Variants in CSF1 observed in about 807,000 individuals in gnomAD.
CSF1 encodes macrophage colony-stimulating factor 1.
In CSF1, 9 loss-of-function variants were observed where a neutral mutation model predicts 48.9. The observed-to-expected ratio is 0.18, with a 90% confidence interval of 0.11 to 0.32. The LOEUF is 0.32. Ranked by LOEUF, CSF1 falls within the 10% of genes least tolerant of loss-of-function variation. The probability of loss-of-function intolerance (pLI) is 1.00; values close to 1 mark genes in which losing one functional copy is unlikely to be tolerated. For missense variants in CSF1, 672 were observed against 697.9 expected (o/e 0.96, Z 0.42); for synonymous variants, 305 against 284.1 (o/e 1.07, Z -0.74).
chr1:109,917,705 A>G (rs1286204906), intron 4 of CSF1, among the ~76,000 whole-genome samples: 1 of 152,236 alleles, frequency 6.6e-6, no homozygotes, highest in Non-Finnish European at 1.5e-5. Flanking sequence ...CTTATAGTCA[A>G]GTGAGCTTGG....
At chr1:109,917,218 C>T in intron 3 of CSF1, 75 bp from the exon 4 acceptor site, 2 of 1,512,608 alleles carry the variant, frequency 1.3e-6, no homozygotes, top group Non-Finnish European at 1.8e-6. Context: ...CAAGCTGCAA[C>T]CCTCCATCTG....
At position 109,925,144 on chromosome 1, in the gene CSF1, C is replaced by T. The variant is rs1327315685; in HGVS notation, c.1623-3C>T. On this transcript the variant is annotated splice_region_variant and splice_polypyrimidine_tract_variant and intron_variant, in intron 7 of 8. Transcript: ENST00000329608. ...TAATACCAGCCCTGTGCTCTGCCTGCAGCCCCCTGACTCAGGATGACAGAC... is the reference window on the plus strand; with the variant it reads ...TAATACCAGCCCTGTGCTCTGCCTGTAGCCCCCTGACTCAGGATGACAGAC... 1.9e-6 allele frequency: 3 copies of T among 1,613,616 alleles called. No individual in the cohort carries two copies. The highest frequency in any genetic ancestry group is 1.1e-5 in the South Asian group (1 of 91,062).
rs373045211 is a variant in CSF1, at chr1:109,917,495, G to C, written c.396+32G>C. ...AGCCCTGAGGCCTGGAGCACTGAGTGAGGGCAGAGGGTGGCTGTGGAGGCG... is the reference window on the plus strand; with the variant it reads ...AGCCCTGAGGCCTGGAGCACTGAGTCAGGGCAGAGGGTGGCTGTGGAGGCG... On this transcript the variant is annotated intron_variant, in intron 4 of 8. Coordinates refer to ENST00000329608, the MANE Select transcript of CSF1 (RefSeq NM_000757.6). 1.7e-5 allele frequency: 28 copies of C among 1,608,290 alleles called. No homozygotes were observed. In the African/African-American group the frequency reaches 3.7e-4, roughly 22 times the overall value.
At chr1:109,916,713 A>G (rs1647232108) in intron 3 of CSF1, among the ~76,000 whole-genome samples, 1 of 152,232 alleles carries the variant, frequency 6.6e-6, no homozygotes, top group African/African-American at 2.4e-5. Context: ...GAATAGCCTC[A>G]GTATTTTATG....
intron 7 of CSF1, 115 bp from the exon 8 acceptor site, chr1:109,925,032 C>T: frequency 2.7e-6 from 3 of 1,128,882 alleles, no homozygotes; most frequent in South Asian, 1.2e-5. Context: ...AGTTCTGGGT[C>T]TTTTCAATCT....
rs1260242538 is a variant in CSF1 at position 109,924,064 on chromosome 1, T to C, written c.1443T>C (p.His481=). 3 of 1,614,082 alleles carry C rather than the reference T, an allele frequency of 1.9e-6. No homozygotes were observed. The African/African-American group carries it at 4.0e-5, about 22-fold the overall frequency. The change falls in exon 6 of 9, where the codon CAT becomes CAC. Residue 481 remains histidine (H), a synonymous_variant. Coordinates refer to ENST00000329608, the MANE Select transcript of CSF1 (RefSeq NM_000757.6). The part of the protein sequence containing the change: ...FNSVPLTDTG[H]ERQSEGSFSP... Reference sequence around the variant, plus strand: ...CCGTTCCTTTGACTGACACAGGCCATGAGAGGCAGTCCGAGGGATCCTTCA... The same window carrying C: ...CCGTTCCTTTGACTGACACAGGCCACGAGAGGCAGTCCGAGGGATCCTTCA...
At position 109,925,221 on chromosome 1, in the gene CSF1, T is replaced by C. The variant is rs1423443167; in HGVS notation, c.*13+19T>C. The stretch of plus-strand genomic sequence containing the variant: ...TTCTAAGGTAAGATTCTGACTTTGA[T>C]CTCCACTCCTAAAACTTACCTATAC... On this transcript the variant is annotated intron_variant, in intron 8 of 8. Coordinates refer to ENST00000329608, the MANE Select transcript of CSF1 (RefSeq NM_000757.6). 1.2e-6 allele frequency: 2 copies of C among 1,608,606 alleles called. No homozygotes were observed. Among genetic ancestry groups the C allele is most frequent in the African/African-American group, 1.3e-5 (1 of 74,846 alleles).
intron 1 of CSF1, among the ~76,000 whole-genome samples, chr1:109,912,441 A>G (rs2101638115): frequency 6.6e-6 from 1 of 152,182 alleles, no homozygotes; most frequent in Non-Finnish European, 1.5e-5. Context: ...GTCAGAGGAG[A>G]GCCTGCCCAG....
intron 2 of CSF1, among the ~76,000 whole-genome samples, chr1:109,915,108 G>C (rs770849097): frequency 1.3e-5 from 2 of 152,250 alleles, no homozygotes; most frequent in Admixed American, 1.3e-4. Flanking sequence ...TGTGCCTTCC[G>C]CCTCTCTTGC....
rs775733987 is a variant in CSF1, at chr1:109,922,011, C to T, written c.544+17C>T. 1 of 1,578,008 alleles carries T rather than the reference C, an allele frequency of 6.3e-7. No homozygotes were observed. Among genetic ancestry groups the T allele is most frequent in the Non-Finnish European group, 8.6e-7 (1 of 1,156,596 alleles). ...CCAGCCAAGGTAAGCATGGCAGGGG[C>T]CAGCAAGTGTGTGGGGGTGGTAGCA... On this transcript the variant is annotated intron_variant, in intron 5 of 8. Coordinates refer to ENST00000329608, the MANE Select transcript of CSF1 (RefSeq NM_000757.6).
chr1:109,920,148 AG>A (rs1162563146), intron 4 of CSF1, among the ~76,000 whole-genome samples: 5 of 150,990 alleles, frequency 3.3e-5, no homozygotes, highest in Non-Finnish European at 5.9e-5. Flanking sequence ...AGACAGTGGG[AG>A]GGATTCAGAG....
rs1647657050 is a variant in CSF1, at chr1:109,923,366, G to T, written c.745G>T (p.Ala249Ser). The T allele has an allele frequency of 6.2e-7, 1 of 1,612,914 alleles. No individual in the cohort carries two copies. Among genetic ancestry groups the T allele is most frequent in the African/African-American group, 1.3e-5 (1 of 74,906 alleles). Residue 249 changes from alanine to serine, a missense_variant, in exon 6 of 9, where the codon GCC (alanine) becomes TCC (serine). This residue lies in a region of CSF1 where 591 missense variants were observed against 593.6 expected (regional missense o/e 1.00). Coordinates refer to ENST00000329608, the MANE Select transcript of CSF1 (RefSeq NM_000757.6). The stretch of plus-strand genomic sequence containing the variant: ...CCTGCACACAGTGGATCCAGGCAGT[G>T]CCAAGCAGCGGCCACCCAGGAGCAC... The part of the protein sequence containing the change: ...QPLHTVDPGS[A>S]KQRPPRSTCQ...
chr1:109,917,555 A>T, intron 4 of CSF1, 92 bp downstream of exon 4: 2 of 1,235,440 alleles, frequency 1.6e-6, no homozygotes, highest in Non-Finnish European at 2.3e-6. Flanking sequence ...ACATTCGCTC[A>T]CCTCGCCTCA....
intron 4 of CSF1, 88 bp downstream of exon 4, chr1:109,917,551 G>A (rs143426194): frequency 4.3e-5 from 56 of 1,303,394 alleles, no homozygotes; most frequent in Admixed American, 8.0e-5. Context: ...GAGTACATTC[G>A]CTCACCTCGC....
intron 8 of CSF1, chr1:109,926,436 C>T (rs1213751895): frequency 6.6e-6 from 1 of 152,270 alleles, no homozygotes; most frequent in Admixed American, 6.5e-5. Flanking sequence ...TGCCCATCAC[C>T]TGAACCTACT....
At chr1:109,926,728 A>G (rs2101658644) in intron 8 of CSF1, 1 of 152,142 alleles carries the variant, frequency 6.6e-6, no homozygotes, top group African/African-American at 2.4e-5. Context: ...GGCTAATAGT[A>G]TATCAATTTG....
Position 109,923,224 on chromosome 1 carries a change from C to T in CSF1, c.603C>T (p.Asp201=). The change falls in exon 6 of 9, where the codon GAC becomes GAT. Residue 201 remains aspartate (D), a synonymous_variant. Transcript: ENST00000329608. The part of the protein sequence containing the change: ...CLYPKAIPSS[D]PASVSPHQPL... ...ACCCCAAAGCCATCCCTAGCAGTGACCCGGCCTCTGTCTCCCCTCATCAGC... is the reference window on the plus strand; with the variant it reads ...ACCCCAAAGCCATCCCTAGCAGTGATCCGGCCTCTGTCTCCCCTCATCAGC... 6.4e-7 allele frequency: 1 copy of T among 1,562,004 alleles called. No homozygotes were observed. Among genetic ancestry groups the T allele is most frequent in the Non-Finnish European group, 8.6e-7 (1 of 1,156,082 alleles).
At chr1:109,919,765 C>T (rs1395767377) in intron 4 of CSF1, among the ~76,000 whole-genome samples, 1 of 150,722 alleles carries the variant, frequency 6.6e-6, no homozygotes, top group African/African-American at 2.4e-5. Flanking sequence ...TCAAGACCAG[C>T]CTGCCCAACA....
chr1:109,911,683 A>AC (rs1460103914), intron 1 of CSF1, among the ~76,000 whole-genome samples: 5 of 151,976 alleles, frequency 3.3e-5, no homozygotes, highest in Non-Finnish European at 7.4e-5. Context: ...ACAGCCCCCC[A>AC]CCCCCGGGGC....
Sources: allele counts gnomAD v4.1 joint callset (sites outside exome capture counted in the v4.1 genomes callset), GRCh38; gene constraint gnomAD v4.1.1; regional missense constraint gnomAD v4.1.1; transcripts MANE v1.5; gene names NCBI Gene and HGNC (gene_info 2026-07-23, HGNC 2026-07-21).